SLC38A6: variants seen among roughly 807,000 people sequenced by gnomAD.
The protein encoded by SLC38A6 is N system amino acid transporter NAT-1.
SLC38A6 carries 73 observed loss-of-function variants against 65.0 expected under a neutral mutation model. The ratio of observed to expected loss-of-function variants is 1.12; its 90% CI spans 0.93 to 1.37. The LOEUF is 1.37. SLC38A6 is among the 40% of genes most tolerant of loss of function. The pLI, the probability that SLC38A6 is intolerant of heterozygous loss-of-function variation, is 0.00. For synonymous variants in SLC38A6, 183 were observed against 178.8 expected (o/e 1.02, Z -0.19); for missense variants, 561 against 531.1 (o/e 1.06, Z -0.55).
chr14:61,071,576 C>T (rs1247874819), intron 15 of SLC38A6, among the ~76,000 whole-genome samples: 6 of 151,274 alleles, frequency 4.0e-5, no homozygotes, highest in Non-Finnish European at 5.9e-5. Flanking sequence ...GAGCTACTTG[C>T]GAGGCTGAGG....
At chr14:61,046,821 T>A (rs1048678201) in intron 12 of SLC38A6, among the ~76,000 whole-genome samples, 14 of 152,174 alleles carry the variant, frequency 9.2e-5, no homozygotes, top group African/African-American at 2.9e-4. Flanking sequence ...AAAGTAAAGT[T>A]CTGTGTACAC....
intron 8 of SLC38A6, among the ~76,000 whole-genome samples, chr14:61,039,420 G>A (rs1008343627): frequency 1.3e-5 from 2 of 151,806 alleles, no homozygotes; most frequent in Non-Finnish European, 2.9e-5. Flanking sequence ...ACCCAGGGTG[G>A]AGTGCAGTGG....
chr14:61,036,113 C>T (rs2041345806), intron 6 of SLC38A6, among the ~76,000 whole-genome samples: 1 of 151,910 alleles, frequency 6.6e-6, no homozygotes, highest in Non-Finnish European at 1.5e-5. Context: ...TATTATTTTA[C>T]CACCCAGAGA....
chr14:61,061,107 A>G (rs530860233), intron 15 of SLC38A6, among the ~76,000 whole-genome samples: 1 of 152,276 alleles, frequency 6.6e-6, no homozygotes, highest in South Asian at 2.1e-4. Context: ...TGGGAGCTGT[A>G]GACCGGAGCT....
intron 15 of SLC38A6, among the ~76,000 whole-genome samples, chr14:61,060,987 C>T (rs1188662083): frequency 6.0e-5 from 9 of 150,530 alleles, no homozygotes; most frequent in East Asian, 3.9e-4. Context: ...GGCTCGCGCA[C>T]GGTGCGCGCA....
intron 16 of SLC38A6, among the ~76,000 whole-genome samples, chr14:61,080,090 A>G (rs1488141091): frequency 6.6e-6 from 1 of 152,232 alleles, no homozygotes; most frequent in Non-Finnish European, 1.5e-5. Flanking sequence ...ACCATGAACA[A>G]TAAGCATTAA....
In SLC38A6 at chr14:60,987,001, A is replaced by G. The variant is rs139832190; in HGVS notation, c.310+2198A>G. The G allele has an allele frequency of 1.3e-3, 512 of 389,824 alleles. 9 individuals carry two copies. In the Admixed American group the frequency reaches 0.017, roughly 13 times the overall value. The allele number at this position is 389,824 out of a possible 1,614,324, so 24.1% of individuals were successfully genotyped here. ...CTTTTCTGTAACTCTGGGGCGTATG[A>G]AGTGAATATATCTGTTTCTCTTCTT... On this transcript the variant is annotated intron_variant, in intron 3 of 15. Coordinates refer to ENST00000267488, the MANE Select transcript of SLC38A6 (RefSeq NM_153811.3).
At chr14:61,010,510 T>C (rs1236619246) in intron 3 of SLC38A6, among the ~76,000 whole-genome samples, 1 of 152,196 alleles carries the variant, frequency 6.6e-6, no homozygotes, top group Non-Finnish European at 1.5e-5. Flanking sequence ...GTTTTTATGG[T>C]TTTAGGTCTA....
At chr14:61,040,631 G>T (rs917030658) in intron 8 of SLC38A6, among the ~76,000 whole-genome samples, 2 of 151,786 alleles carry the variant, frequency 1.3e-5, no homozygotes, top group African/African-American at 4.8e-5. Context: ...GAGCCACCGC[G>T]CCTGGCCAGA....
chr14:60,989,887 C>T (rs896652424), intron 3 of SLC38A6, among the ~76,000 whole-genome samples: 6 of 152,194 alleles, frequency 3.9e-5, no homozygotes, highest in African/African-American at 1.4e-4. Context: ...ACTCCTTGCT[C>T]TCTGAAAGAC....
chr14:61,036,349 A>C (rs765889236), intron 6 of SLC38A6, among the ~76,000 whole-genome samples: 2 of 152,048 alleles, frequency 1.3e-5, no homozygotes, highest in Non-Finnish European at 2.9e-5. Context: ...AGGAACAGAA[A>C]ACCAAACACC....
chr14:60,990,137 T>TCC (rs1195993879), intron 3 of SLC38A6, among the ~76,000 whole-genome samples: 12 of 152,046 alleles, frequency 7.9e-5, no homozygotes, highest in Non-Finnish European at 1.6e-4. Flanking sequence ...TTCAAGCGAT[T>TCC]CTCCTGCCTC....
intron 15 of SLC38A6, among the ~76,000 whole-genome samples, chr14:61,075,821 G>A (rs2043389206): frequency 6.8e-6 from 1 of 146,248 alleles, no homozygotes; most frequent in African/African-American, 2.6e-5. Context: ...GTGTGTGTGT[G>A]TGTGTGTGTG....
chr14:60,981,529 G>C (rs2037020171), intron 1 of SLC38A6, 147 bp downstream of exon 1: 2 of 1,532,242 alleles, frequency 1.3e-6, no homozygotes, highest in Admixed American at 2.0e-5. Context: ...GAAGGCAGCC[G>C]CCGAGATTCA....
intron 8 of SLC38A6, among the ~76,000 whole-genome samples, chr14:61,038,239 T>C (rs2041533487): frequency 6.6e-6 from 1 of 152,008 alleles, no homozygotes; most frequent in Non-Finnish European, 1.5e-5. Flanking sequence ...TTTAATTAGC[T>C]CATTTTTATT....
chr14:61,019,713 C>A, intron 5 of SLC38A6, 133 bp downstream of exon 5: 7 of 795,222 alleles, frequency 8.8e-6, no homozygotes, highest in Non-Finnish European at 1.2e-5. Flanking sequence ...GTGTTGGCCT[C>A]TTTACTCTTT....
At chr14:61,016,018 A>G (rs2039987081) in intron 4 of SLC38A6, 62 bp downstream of exon 4, 6 of 1,305,470 alleles carry the variant, frequency 4.6e-6, no homozygotes, top group South Asian at 1.3e-5. Context: ...TTTTGTTTCA[A>G]GTTAAAAGAG....
intron 7 of SLC38A6, among the ~76,000 whole-genome samples, chr14:61,037,377 T>C (rs2041467095): frequency 6.6e-6 from 1 of 152,144 alleles, no homozygotes; most frequent in African/African-American, 2.4e-5. Context: ...TAAAATAAAA[T>C]CTTTACAGCG....
At chr14:61,073,421 C>T (rs1660220757) in intron 15 of SLC38A6, among the ~76,000 whole-genome samples, 1 of 152,160 alleles carries the variant, frequency 6.6e-6, no homozygotes, top group East Asian at 1.9e-4. Context: ...ATTACATTGG[C>T]AATTAAATTT....
Sources: gnomAD v4.1 joint callset for allele counts (sites outside exome capture counted in the v4.1 genomes callset) on GRCh38, gnomAD v4.1.1 for gene constraint, MANE v1.5 for transcripts, NCBI Gene and HGNC (gene_info 2026-07-23, HGNC 2026-07-21) for gene names.